ITPKC: variants seen among roughly 807,000 people sequenced by gnomAD.
The protein encoded by ITPKC is IP3 3-kinase C.
ITPKC carries 33 observed loss-of-function variants against 67.1 expected under a neutral mutation model. The ratio of observed to expected loss-of-function variants is 0.49; its 90% CI spans 0.37 to 0.66. The LOEUF (loss-of-function observed/expected upper bound fraction) is 0.66, where lower values mean the gene tolerates loss of function less well. Among genes scored for constraint, ITPKC ranks in the 30% least tolerant of loss-of-function variants. ITPKC has a pLI of 0.00. For synonymous variants in ITPKC, 341 were observed against 359.8 expected (o/e 0.95, Z 0.59); for missense variants, 820 against 892.1 (o/e 0.92, Z 1.03).
At chr19:40,738,122 C>T (rs1288669355) in intron 6 of ITPKC, among the ~76,000 whole-genome samples, 2 of 151,184 alleles carry the variant, frequency 1.3e-5, no homozygotes, top group Non-Finnish European at 2.9e-5. Context: ...GGCGAAACCC[C>T]GTCTCTATTA....
chr19:40,723,384 G>T (rs113953401), intron 1 of ITPKC, among the ~76,000 whole-genome samples: 1 of 152,108 alleles, frequency 6.6e-6, no homozygotes. Context: ...GTAAGCCATC[G>T]TACCCGCTGC....
chr19:40,718,059 T>C lies in ITPKC; in HGVS notation c.924T>C (p.Pro308=). The change falls in exon 1 of 7, where the codon CCT becomes CCC. Residue 308 remains proline (P), a synonymous_variant. Coordinates refer to ENST00000263370, the MANE Select transcript of ITPKC (RefSeq NM_025194.3). ...ATGGCCCATTAGAGGAACCAGAGCCTGGAGAATTGCTGACTCACCTGTACT... is the reference window on the plus strand; with the variant it reads ...ATGGCCCATTAGAGGAACCAGAGCCCGGAGAATTGCTGACTCACCTGTACT... ...PEDGPLEEPE[P]GELLTHLYSH... 1.2e-6 allele frequency: 2 copies of C among 1,614,122 alleles called. No individual in the cohort carries two copies. Among genetic ancestry groups the C allele is most frequent in the South Asian group, 2.2e-5 (2 of 91,076 alleles).
chr19:40,719,923 C>G (rs1022320485), intron 1 of ITPKC, among the ~76,000 whole-genome samples: 2 of 152,076 alleles, frequency 1.3e-5, no homozygotes, highest in Non-Finnish European at 2.9e-5. Flanking sequence ...ACACCAGACA[C>G]TGTTTTAAGT....
At position 40,729,295 on chromosome 19, in the gene ITPKC, G is replaced by A. The variant is rs753695795; in HGVS notation, c.1349G>A (p.Arg450Gln). ...GAGCAGCTGATGAAAGACCCGCTGC[G>A]ACCTTTCGTGCCTGCCTACTATGGC... ...SLEQLMKDPL[R>Q]PFVPAYYGMV... The change falls in exon 3 of 7, where the codon CGA (arginine) becomes CAA (glutamine). Residue 450 changes from arginine to glutamine, a missense_variant. Transcript: ENST00000263370. The A allele has an allele frequency of 1.1e-5, 18 of 1,614,038 alleles. No homozygotes were observed. Among genetic ancestry groups the A allele is most frequent in the South Asian group, 9.9e-5 (9 of 91,070 alleles).
intron 3 of ITPKC, among the ~76,000 whole-genome samples, chr19:40,732,269 A>T (rs934075970): frequency 2.0e-5 from 3 of 149,982 alleles, no homozygotes; most frequent in African/African-American, 7.3e-5. Flanking sequence ...GGCTGGGCGT[A>T]GTGGCTCACA....
In ITPKC at chr19:40,725,367, G is replaced by A; in HGVS notation, c.1183G>A (p.Val395Ile). 1 of 1,613,916 alleles carries A rather than the reference G, an allele frequency of 6.2e-7. No homozygotes were observed. ...CAAACCCTGGAAGAAGCTGAAGACA[G>A]TTCTGAAGTATTCACCCTTTGTGGT... is the stretch of plus-strand genomic sequence containing the variant. ...GSKPWKKLKT[V>I]LKYSPFVVSF... The change falls in exon 2 of 7, where the codon GTT (valine) becomes ATT (isoleucine). Residue 395 changes from valine to isoleucine, a missense_variant. Physicochemically the swap from Val to Ile is conservative, Grantham distance 29. This residue lies in a region of ITPKC where 339 missense variants were observed against 422.0 expected (regional missense o/e 0.80). Coordinates refer to ENST00000263370, the MANE Select transcript of ITPKC (RefSeq NM_025194.3).
intron 1 of ITPKC, among the ~76,000 whole-genome samples, chr19:40,720,001 C>T (rs2082214092): frequency 6.6e-6 from 1 of 150,760 alleles, no homozygotes; most frequent in Non-Finnish European, 1.5e-5. Flanking sequence ...CTTAAAATAG[C>T]ATCTATCTTA....
rs758430054 is a variant in ITPKC at position 40,739,548 on chromosome 19, G to C, written c.2040G>C (p.Leu680=). The change falls in exon 7 of 7, where the codon CTG becomes CTC. Residue 680 remains leucine (L), a synonymous_variant. Coordinates refer to ENST00000263370, the MANE Select transcript of ITPKC (RefSeq NM_025194.3). ...ACATGATCTGCCTCCTGCAGGGGCT[G>C]GCACAGAGCTGAGCTGCTCAGCCAC... The part of the protein sequence containing the change: ...LDNMICLLQG[L]AQS 1 of 1,613,312 alleles carries C rather than the reference G, an allele frequency of 6.2e-7. No individual in the cohort carries two copies.
intron 3 of ITPKC, among the ~76,000 whole-genome samples, chr19:40,731,385 C>T (rs148194233): frequency 6.6e-6 from 1 of 152,312 alleles, no homozygotes; most frequent in East Asian, 1.9e-4. Context: ...ATCCAGAAAC[C>T]ATCCCCCTCA....
chr19:40,740,507 A>T lies in ITPKC; in HGVS notation c.*947A>T. 1 of 210,382 alleles carries T rather than the reference A, an allele frequency of 4.8e-6. No individual in the cohort carries two copies. The highest frequency in any genetic ancestry group is 9.8e-5 in the East Asian group (1 of 10,196). 13.0% of individuals were successfully genotyped at this position (210,382 alleles called of 1,614,324 possible). Reference sequence around the variant, plus strand: ...CAGGGAAAAGCGCTGGGTGTGTGTCAGAGGCGCAGGGTGGGTGGGGCTGCC... The same window carrying T: ...CAGGGAAAAGCGCTGGGTGTGTGTCTGAGGCGCAGGGTGGGTGGGGCTGCC... On this transcript the variant is annotated 3_prime_UTR_variant, in exon 7 of 7. Transcript: ENST00000263370.
At chr19:40,737,565 C>T in intron 5 of ITPKC, 133 bp from the exon 6 acceptor site, 1 of 756,892 alleles carries the variant, frequency 1.3e-6, no homozygotes, top group Non-Finnish European at 2.4e-6. Context: ...CCCTGTCTTC[C>T]CCATGGCTCC....
At chr19:40,721,317 T>C (rs568295911) in intron 1 of ITPKC, among the ~76,000 whole-genome samples, 19 of 151,494 alleles carry the variant, frequency 1.3e-4, no homozygotes, top group African/African-American at 4.4e-4. Context: ...GCTGAGACCA[T>C]TGTGAAAAAA....
chr19:40,727,398 C>T (rs2082251277), intron 2 of ITPKC, among the ~76,000 whole-genome samples: 1 of 151,362 alleles, frequency 6.6e-6, no homozygotes. Context: ...AACCCCAAGA[C>T]TTAGTGATGG....
rs2082242391 is a variant in ITPKC at position 40,725,459 on chromosome 19, A to G, written c.1255+20A>G. On this transcript the variant is annotated intron_variant, in intron 2 of 6. Transcript: ENST00000263370. Reference sequence around the variant, plus strand: ...ATGCTGGTAAGTGGGGTGGTGGTGGACAGAGCTGGGCAGAGTCTCCTGGGC... The same window carrying G: ...ATGCTGGTAAGTGGGGTGGTGGTGGGCAGAGCTGGGCAGAGTCTCCTGGGC... 6.6e-7 allele frequency: 1 copy of G among 1,521,116 alleles called. No homozygotes were observed. 94.2% of individuals were successfully genotyped at this position (1,521,116 alleles called of 1,614,324 possible). A position where few individuals can be genotyped will look rare whatever the true frequency, so the allele number is the denominator to read the frequency against.
Position 40,733,298 on chromosome 19 carries a change from C to G in ITPKC, c.1608C>G (p.Arg536=). 1 of 1,613,960 alleles carries G rather than the reference C, an allele frequency of 6.2e-7. No individual in the cohort carries two copies. The highest frequency in any genetic ancestry group is 1.7e-5 in the Admixed American group (1 of 59,994). Residue 536 remains arginine, a synonymous_variant, in exon 4 of 7, where the codon CGC becomes CGG. Transcript: ENST00000263370. ...CCCAGGGTGCAGTCACCAAGCCCCG[C>G]TACATGCAGTGGAGGGAAACCATGA... ...EHAQGAVTKP[R]YMQWRETMSS...
rs375635498 is a variant in ITPKC, at chr19:40,725,366, A to G, written c.1182A>G (p.Thr394=). The G allele has an allele frequency of 2.5e-6, 4 of 1,613,754 alleles. No homozygotes were observed. In the African/African-American group the frequency reaches 4.0e-5, roughly 16 times the overall value. The change falls in exon 2 of 7, where the codon ACA becomes ACG. Residue 394 remains threonine (T), a synonymous_variant. Coordinates refer to ENST00000263370, the MANE Select transcript of ITPKC (RefSeq NM_025194.3). ...SGSKPWKKLK[T]VLKYSPFVVS... is the part of the protein sequence containing the mutation. ...GCAAACCCTGGAAGAAGCTGAAGAC[A>G]GTTCTGAAGTATTCACCCTTTGTGG...
chr19:40,724,326 G>A (rs2082236168), intron 1 of ITPKC, among the ~76,000 whole-genome samples: 1 of 152,194 alleles, frequency 6.6e-6, no homozygotes, highest in Non-Finnish European at 1.5e-5. Context: ...GGAGTTGGAG[G>A]TTGCAGTGAG....
At chr19:40,732,937 C>T (rs993756606) in intron 3 of ITPKC, among the ~76,000 whole-genome samples, 2 of 152,142 alleles carry the variant, frequency 1.3e-5, no homozygotes, top group African/African-American at 4.8e-5. Context: ...GGATTGTTGA[C>T]CCAGCACTGT....
At chr19:40,723,731 A>G (rs2082233483) in intron 1 of ITPKC, among the ~76,000 whole-genome samples, 3 of 151,998 alleles carry the variant, frequency 2.0e-5, no homozygotes, top group Non-Finnish European at 4.4e-5. Context: ...TCCTGACCTC[A>G]GGTGATCTGC....
Sources: gnomAD v4.1 joint callset for allele counts (sites outside exome capture counted in the v4.1 genomes callset) on GRCh38, gnomAD v4.1.1 for gene constraint, gnomAD v4.1.1 regional missense constraint, MANE v1.5 for transcripts, NCBI Gene and HGNC (gene_info 2026-07-23, HGNC 2026-07-21) for gene names.